TCF20: variants seen among roughly 807,000 people sequenced by gnomAD.
The protein encoded by TCF20 is SPRE-binding protein.
A neutral mutation model predicts 148.6 loss-of-function variants in TCF20; 3 were observed. The observed-to-expected ratio is 0.02, with a 90% confidence interval of 0.01 to 0.05. The LOEUF is 0.05. TCF20 is among the 10% of genes least tolerant of loss of function. The pLI is 1.00. For synonymous variants in TCF20, 1,049 were observed against 909.5 expected (o/e 1.15, Z -2.76); for missense variants, 2,350 against 2,429.3 (o/e 0.97, Z 0.69).
chr22:42,239,202 C>A (rs945495971), intron 1 of TCF20, among the ~76,000 whole-genome samples: 3 of 151,904 alleles, frequency 2.0e-5, no homozygotes, highest in Admixed American at 2.0e-4. Flanking sequence ...TAAGGCTGGG[C>A]GCGGTGGCTC....
intron 2 of TCF20, among the ~76,000 whole-genome samples, chr22:42,201,837 G>C (rs1394025031): frequency 6.6e-6 from 1 of 151,968 alleles, no homozygotes; most frequent in Admixed American, 6.6e-5. Flanking sequence ...TTTCGCTTTA[G>C]ATAATCGCTA....
chr22:42,207,680 TG>T lies in TCF20; in HGVS notation c.5655+1970del, dbSNP rs1343715346. Among the ~76,000 whole-genome samples the T allele has an allele frequency of 3.3e-5, 5 of 152,236 alleles. 1 individual carries two copies. In the East Asian group the frequency reaches 5.8e-4, roughly 18 times the overall value. On this transcript the variant is annotated intron_variant, in intron 2 of 5. Coordinates refer to ENST00000677622, the MANE Select transcript of TCF20 (RefSeq NM_001378418.1). ...AAAATACAAAATTAGCTGTGCATGG[TG>T]GCGCATGCCTCTAATCCCAGCTACT...
chr22:42,229,982 C>T (rs1923251594), intron 1 of TCF20, among the ~76,000 whole-genome samples: 1 of 152,234 alleles, frequency 6.6e-6, no homozygotes, highest in South Asian at 2.1e-4. Context: ...ACTTGTTGCT[C>T]TGCTACTAGA....
At chr22:42,289,629 T>C (rs1277364799) in intron 1 of TCF20, among the ~76,000 whole-genome samples, 1 of 152,212 alleles carries the variant, frequency 6.6e-6, no homozygotes, top group Non-Finnish European at 1.5e-5. Flanking sequence ...TGTGGGTCTG[T>C]GACCCTGAAC....
chr22:42,169,251 CA>C (rs1293979698), intron 4 of TCF20, among the ~76,000 whole-genome samples: 1 of 152,106 alleles, frequency 6.6e-6, no homozygotes, highest in Non-Finnish European at 1.5e-5. Flanking sequence ...TCCCCACACA[CA>C]TATGTGGTAT....
chr22:42,331,104 C>G (rs1927966117), intron 1 of TCF20, among the ~76,000 whole-genome samples: 1 of 152,252 alleles, frequency 6.6e-6, no homozygotes, highest in Non-Finnish European at 1.5e-5. Context: ...CAGCTACGAA[C>G]CAGCTGTTTG....
upstream of TCF20, among the ~76,000 whole-genome samples, chr22:42,273,651 C>CA (rs1025812084): frequency 6.6e-6 from 1 of 151,446 alleles, no homozygotes; most frequent in Non-Finnish European, 1.5e-5. Context: ...AAAAAACAAA[C>CA]AAAAAAACAA....
intron 1 of TCF20, among the ~76,000 whole-genome samples, chr22:42,237,570 C>T (rs559790502): frequency 7.2e-5 from 11 of 152,186 alleles, no homozygotes; most frequent in South Asian, 2.1e-4. Flanking sequence ...AAATCCTTTC[C>T]GAAAGGTTTT....
At chr22:42,191,180 TTGTTATAA>T (rs762738378) in intron 2 of TCF20, among the ~76,000 whole-genome samples, 3 of 152,208 alleles carry the variant, frequency 2.0e-5, no homozygotes, top group Non-Finnish European at 4.4e-5. Context: ...TATACGTAGT[TTGTTATAA>T]TGTTAATATG....
intron 1 of TCF20, among the ~76,000 whole-genome samples, chr22:42,262,210 C>T (rs962759696): frequency 1.6e-4 from 25 of 152,126 alleles, no homozygotes; most frequent in African/African-American, 5.8e-4. Flanking sequence ...CTCTTGGCCG[C>T]TCTGGGTGAA....
intron 2 of TCF20, among the ~76,000 whole-genome samples, chr22:42,201,016 G>A (rs1365517632): frequency 2.0e-5 from 3 of 152,348 alleles, no homozygotes; most frequent in East Asian, 1.9e-4. Flanking sequence ...CTGGTGGGAG[G>A]TGGCTGGATC....
chr22:42,341,930 T>C (rs573898346), intron 1 of TCF20, among the ~76,000 whole-genome samples: 4 of 152,100 alleles, frequency 2.6e-5, no homozygotes, highest in East Asian at 1.9e-4. Flanking sequence ...GGAGGGGATG[T>C]AGCTGGGCCT....
intron 1 of TCF20, among the ~76,000 whole-genome samples, chr22:42,322,694 ATGAG>A (rs1218663946): frequency 6.6e-6 from 1 of 151,702 alleles, no homozygotes; most frequent in East Asian, 1.9e-4. Flanking sequence ...GAGGGAATGA[ATGAG>A]TGTCTGAGGG....
chr22:42,255,262 G>A (rs966835040), intron 1 of TCF20, among the ~76,000 whole-genome samples: 6 of 151,878 alleles, frequency 4.0e-5, no homozygotes, highest in Non-Finnish European at 7.4e-5. Context: ...CAAGGCGGGC[G>A]GATCACGAGG....
At chr22:42,288,907 C>A (rs134903), upstream of TCF20, among the ~76,000 whole-genome samples, 89,541 of 151,924 alleles carry the variant, frequency 0.59, 26,931 homozygotes, top group Non-Finnish European at 0.66. Context: ...AAAGACCACA[C>A]TCCTCCCTCC....
chr22:42,315,142 C>A (rs1371005227), intron 1 of TCF20, among the ~76,000 whole-genome samples: 5 of 152,074 alleles, frequency 3.3e-5, no homozygotes, highest in African/African-American at 1.2e-4. Context: ...AGGCTGTGGA[C>A]ACCTCTAGAG....
chr22:42,216,341 C>T (rs1259751877), intron 1 of TCF20, among the ~76,000 whole-genome samples: 1 of 152,084 alleles, frequency 6.6e-6, no homozygotes, highest in Non-Finnish European at 1.5e-5. Context: ...GAGAAACAGA[C>T]CTGGCCAGAG....
At chr22:42,227,230 T>C (rs987178593) in intron 1 of TCF20, among the ~76,000 whole-genome samples, 14 of 152,278 alleles carry the variant, frequency 9.2e-5, no homozygotes, top group Non-Finnish European at 1.5e-4. Context: ...TGAGCTAAGA[T>C]CGTTCCATTG....
intron 1 of TCF20, among the ~76,000 whole-genome samples, chr22:42,255,302 T>C (rs1925670146): frequency 6.6e-6 from 1 of 151,856 alleles, no homozygotes; most frequent in Non-Finnish European, 1.5e-5. Context: ...TTGACCAACA[T>C]GGTAAAACCC....
Sources: gnomAD v4.1 joint callset for allele counts (sites outside exome capture counted in the v4.1 genomes callset) on GRCh38, gnomAD v4.1.1 for gene constraint, MANE v1.5 for transcripts, NCBI Gene and HGNC (gene_info 2026-07-23, HGNC 2026-07-21) for gene names.